The following ZNRF2 variants were observed in gnomAD, a reference collection of about 807,000 sequenced individuals.
ZNRF2 encodes the protein zinc and ring finger 2, also known as E3 ubiquitin-protein ligase ZNRF2.
Under a neutral mutation model 20.4 loss-of-function variants are expected in ZNRF2, and 16 were observed. The ratio of observed to expected loss-of-function variants is 0.79; its 90% CI spans 0.53 to 1.19. The LOEUF (loss-of-function observed/expected upper bound fraction) is 1.19. Ranked by LOEUF, ZNRF2 falls within the 50% of genes most tolerant of loss-of-function variation. The pLI is 0.00. For synonymous variants in ZNRF2, 178 were observed against 144.9 expected (o/e 1.23, Z -1.64); for missense variants, 363 against 332.4 (o/e 1.09, Z -0.72).
At position 30,340,384 on chromosome 7, in the gene ZNRF2, T is replaced by A. The variant is rs1032339503; in HGVS notation, c.566-15344T>A. Among the ~76,000 whole-genome samples the A allele has an allele frequency of 3.9e-5, 6 of 152,224 alleles. No individual in the cohort carries two copies. The East Asian group carries it at 1.2e-3, about 29-fold the overall frequency. On this transcript the variant is annotated intron_variant, in intron 2 of 4. Coordinates refer to ENST00000323037, the MANE Select transcript of ZNRF2 (RefSeq NM_147128.4). Reference sequence around the variant, plus strand: ...ATTCATTATGATATTAGCTGTGGGTTTGTCATAAATAGTTATTATTTTGAG... The same window carrying A: ...ATTCATTATGATATTAGCTGTGGGTATGTCATAAATAGTTATTATTTTGAG...
At chr7:30,308,037 C>T (rs1799236459) in intron 1 of ZNRF2, among the ~76,000 whole-genome samples, 1 of 152,132 alleles carries the variant, frequency 6.6e-6, no homozygotes, top group Non-Finnish European at 1.5e-5. Flanking sequence ...CCTTTGTTTT[C>T]CTGATAATGA....
At chr7:30,358,531 G>C (rs42582) in intron 3 of ZNRF2, among the ~76,000 whole-genome samples, 1 of 152,096 alleles carries the variant, frequency 6.6e-6, no homozygotes, top group Non-Finnish European at 1.5e-5. Context: ...AATCTCAACT[G>C]GTTAGTTCAT....
At chr7:30,346,759 T>C (rs1488207028) in intron 2 of ZNRF2, among the ~76,000 whole-genome samples, 1 of 152,126 alleles carries the variant, frequency 6.6e-6, no homozygotes, top group Non-Finnish European at 1.5e-5. Flanking sequence ...TCAAGTCTTA[T>C]TTAGCCTAGG....
intron 2 of ZNRF2, among the ~76,000 whole-genome samples, chr7:30,343,943 C>T (rs1397890173): frequency 2.6e-4 from 35 of 134,038 alleles, no homozygotes; most frequent in Non-Finnish European, 4.2e-4. Context: ...TTTAATAGAC[C>T]GAGTCTTGCT....
chr7:30,293,730 T>A (rs1798955331), intron 1 of ZNRF2, among the ~76,000 whole-genome samples: 1 of 152,222 alleles, frequency 6.6e-6, no homozygotes, highest in Admixed American at 6.5e-5. Context: ...TATTTATAAG[T>A]GCAGATTGGT....
intron 1 of ZNRF2, among the ~76,000 whole-genome samples, chr7:30,319,043 T>C (rs558538384): frequency 1.3e-5 from 2 of 150,174 alleles, no homozygotes; most frequent in South Asian, 4.2e-4. Flanking sequence ...ACCCAGGGGG[T>C]GGAGGTTGCA....
chr7:30,318,984 T>C (rs1259761254), intron 1 of ZNRF2, among the ~76,000 whole-genome samples: 4 of 152,010 alleles, frequency 2.6e-5, no homozygotes, highest in African/African-American at 9.6e-5. Context: ...TGGTGGTGCG[T>C]GCCTGTAATC....
At chr7:30,343,324 A>G (rs1424428742) in intron 2 of ZNRF2, among the ~76,000 whole-genome samples, 2 of 152,122 alleles carry the variant, frequency 1.3e-5, no homozygotes, top group Non-Finnish European at 2.9e-5. Flanking sequence ...GAAAAAACAA[A>G]AAGACATAGA....
rs1439717332 is a variant in ZNRF2, at chr7:30,285,181, A to C, written c.-177A>C. 1 of 442,170 alleles carries C rather than the reference A, an allele frequency of 2.3e-6. No homozygotes were observed. The highest frequency in any genetic ancestry group is 2.2e-5 in the African/African-American group (1 of 45,810). The allele number at this position is 442,170 out of a possible 1,614,324, so 27.4% of individuals were successfully genotyped here. ...GCCGTCGGCCTCGCCCGCCGCCCCA[A>C]GAAGAGCGCGCCGGGCGCCGACTGC... On this transcript the variant is annotated 5_prime_UTR_variant, in exon 1 of 5. Coordinates refer to ENST00000323037, the MANE Select transcript of ZNRF2 (RefSeq NM_147128.4).
At chr7:30,299,223 T>C (rs1799068202) in intron 1 of ZNRF2, among the ~76,000 whole-genome samples, 1 of 151,814 alleles carries the variant, frequency 6.6e-6, no homozygotes, top group Non-Finnish European at 1.5e-5. Context: ...AGGTCAGGAG[T>C]TCGAGACCAG....
intron 1 of ZNRF2, among the ~76,000 whole-genome samples, chr7:30,298,861 G>A (rs3956687): frequency 5.5e-4 from 83 of 152,252 alleles, no homozygotes; most frequent in African/African-American, 1.9e-3. Context: ...GTGCTTGCCA[G>A]TTCTTGTGCC....
intron 1 of ZNRF2, among the ~76,000 whole-genome samples, chr7:30,310,479 A>T (rs1054416524): frequency 1.3e-5 from 2 of 152,128 alleles, no homozygotes; most frequent in African/African-American, 4.8e-5. Context: ...CTCTTTTTGT[A>T]GTTTGGGTAA....
At chr7:30,298,827 C>T (rs181794698) in intron 1 of ZNRF2, among the ~76,000 whole-genome samples, 1 of 152,296 alleles carries the variant, frequency 6.6e-6, no homozygotes, top group African/African-American at 2.4e-5. Flanking sequence ...GGCCTGCCTT[C>T]ACCCCTGCTT....
chr7:30,321,923 C>T (rs1190740720), intron 1 of ZNRF2, among the ~76,000 whole-genome samples: 2 of 151,404 alleles, frequency 1.3e-5, no homozygotes, highest in African/African-American at 4.9e-5. Context: ...TTCCTTGGGC[C>T]ACATTTTTTA....
chr7:30,307,553 A>G (rs933460326), intron 1 of ZNRF2, among the ~76,000 whole-genome samples: 2 of 151,492 alleles, frequency 1.3e-5, no homozygotes, highest in African/African-American at 4.8e-5. Flanking sequence ...CCATTGAATG[A>G]TACTGTTTTT....
intron 2 of ZNRF2, among the ~76,000 whole-genome samples, chr7:30,336,021 C>CT (rs2127950521): frequency 6.6e-6 from 1 of 152,156 alleles, no homozygotes; most frequent in South Asian, 2.1e-4. Context: ...GAGTACCTAG[C>CT]TGCTGTAAAC....
chr7:30,285,492 C>T lies in ZNRF2; in HGVS notation c.135C>T (p.Ala45=), dbSNP rs1308008097. ...AGGGGGARAA[A]AGRFPAQVPS... ...GCGGCGGGGGCGCTCGGGCCGCCGC[C>T]GCGGGGAGGTTCCCGGCTCAGGTGC... The change falls in exon 1 of 5, where the codon GCC becomes GCT. Residue 45 remains alanine (A), a synonymous_variant. Transcript: ENST00000323037. The T allele has an allele frequency of 9.3e-7, 1 of 1,072,990 alleles. No homozygotes were observed. The highest frequency in any genetic ancestry group is 1.1e-6 in the Non-Finnish European group (1 of 888,388). 66.5% of individuals were successfully genotyped at this position (1,072,990 alleles called of 1,614,324 possible). A position where few individuals can be genotyped will look rare whatever the true frequency, so the allele number is the denominator to read the frequency against.
chr7:30,304,891 T>C (rs1341963392), intron 1 of ZNRF2, among the ~76,000 whole-genome samples: 1 of 152,056 alleles, frequency 6.6e-6, no homozygotes, highest in Non-Finnish European at 1.5e-5. Flanking sequence ...CTTCCTGGAG[T>C]TGATAAATTA....
At chr7:30,326,876 C>G (rs1372543417) in intron 2 of ZNRF2, among the ~76,000 whole-genome samples, 2 of 152,112 alleles carry the variant, frequency 1.3e-5, no homozygotes, top group African/African-American at 2.4e-5. Context: ...TTGCATTTCT[C>G]TAATGATCAG....
Sources: gnomAD v4.1 joint callset for allele counts (sites outside exome capture counted in the v4.1 genomes callset) on GRCh38, gnomAD v4.1.1 for gene constraint, MANE v1.5 for transcripts, NCBI Gene and HGNC (gene_info 2026-07-23, HGNC 2026-07-21) for gene names.